PCDH7: variants seen among roughly 807,000 people sequenced by gnomAD.
PCDH7 encodes protocadherin 7.
PCDH7 carries 17 observed loss-of-function variants against 58.9 expected under a neutral mutation model. That is an observed-to-expected ratio of 0.29 (90% CI 0.20 to 0.43). The LOEUF is 0.43. PCDH7 is among the 20% of genes least tolerant of loss of function. The pLI is 1.00. For synonymous variants in PCDH7, 664 were observed against 616.4 expected, an observed-to-expected ratio of 1.08 and a Z score of -1.14; for missense variants, 1,274 against 1,441.0, an observed-to-expected ratio of 0.88 and a Z score of 1.88.
intron 2 of PCDH7, among the ~76,000 whole-genome samples, chr4:30,939,084 G>T (rs1745723473): frequency 6.6e-6 from 1 of 151,980 alleles, no homozygotes; most frequent in Non-Finnish European, 1.5e-5. Flanking sequence ...TCCATACAAG[G>T]GATATTGTTT....
Position 30,722,256 on chromosome 4 carries a change from G to A in PCDH7, c.834G>A (p.Leu278=). 1 of 1,596,048 alleles carries A rather than the reference G, an allele frequency of 6.3e-7. No homozygotes were observed. The highest frequency in any genetic ancestry group is 8.5e-7 in the Non-Finnish European group (1 of 1,172,494). ...AGCGCGACTCCTACGAGCTGACCCT[G>A]CGAGTGCGCGACGGCGGCGACCCGC... The change falls in exon 1 of 2, where the codon CTG becomes CTA. Residue 278 remains leucine, a synonymous_variant. Transcript: ENST00000361762. The surrounding 1 kb of genome is among the most constrained non-coding windows in gnomAD (Gnocchi z 7.6).
At chr4:30,904,711 T>C (rs1437432338) in intron 1 of PCDH7, among the ~76,000 whole-genome samples, 2 of 152,200 alleles carry the variant, frequency 1.3e-5, no homozygotes, top group East Asian at 1.9e-4. Context: ...TATTTTTCCT[T>C]ATGGTCACTG....
intron 1 of PCDH7, among the ~76,000 whole-genome samples, chr4:30,843,228 G>A (rs762904436): frequency 1.3e-5 from 2 of 152,028 alleles, no homozygotes; most frequent in Non-Finnish European, 2.9e-5. Context: ...TACAGGCAGA[G>A]TCTCACTCTG....
intron 3 of PCDH7, among the ~76,000 whole-genome samples, chr4:31,095,620 C>T (rs7679003): frequency 0.015 from 2,257 of 152,206 alleles, 46 homozygotes; most frequent in African/African-American, 0.051. Flanking sequence ...GAAGACTCCT[C>T]TCCTGGTGAA....
intron 3 of PCDH7, among the ~76,000 whole-genome samples, chr4:31,037,414 A>T (rs1055697517): frequency 6.6e-6 from 1 of 152,180 alleles, no homozygotes; most frequent in Non-Finnish European, 1.5e-5. Flanking sequence ...TTCAGCTTAG[A>T]TATCAGGAGC....
chr4:30,956,311 A>C (rs1029146889), intron 3 of PCDH7, among the ~76,000 whole-genome samples: 12 of 152,130 alleles, frequency 7.9e-5, no homozygotes, highest in Non-Finnish European at 1.5e-4. Context: ...ATAACTTTGT[A>C]CCTGGATTTG....
At chr4:30,855,439 C>T (rs1180470138) in intron 1 of PCDH7, among the ~76,000 whole-genome samples, 2 of 152,104 alleles carry the variant, frequency 1.3e-5, no homozygotes, top group Non-Finnish European at 2.9e-5. Context: ...AATAGCTGGC[C>T]AGTGGGCACT....
intron 2 of PCDH7, among the ~76,000 whole-genome samples, chr4:30,925,418 G>T (rs977648359): frequency 1.3e-5 from 2 of 152,130 alleles, no homozygotes; most frequent in Non-Finnish European, 2.9e-5. Flanking sequence ...CGTAGATTGA[G>T]CAAACTTCTC....
In PCDH7 at chr4:31,142,466, A is replaced by G. The variant is rs1231653044; in HGVS notation, c.*8-7A>G. 4 of 1,364,324 alleles carry G rather than the reference A, an allele frequency of 2.9e-6. 1 individual carries two copies. Among genetic ancestry groups the G allele is most frequent in the Non-Finnish European group, 2.0e-6 (2 of 1,020,260 alleles). 84.5% of individuals were successfully genotyped at this position (1,364,324 alleles called of 1,614,324 possible). ...AATACTAATGGCTTATTCTCCTTGG[A>G]TTTCAGATTCAAGGCCTCTTCCAGA... On this transcript the variant is annotated splice_polypyrimidine_tract_variant and splice_region_variant and intron_variant, in intron 3 of 3. Transcript: ENST00000509759.
chr4:30,906,763 C>T (rs1578242417), intron 1 of PCDH7, among the ~76,000 whole-genome samples: 1 of 152,280 alleles, frequency 6.6e-6, no homozygotes, highest in Middle Eastern at 3.4e-3. Context: ...TGACTCACAC[C>T]TGTAATCCCA....
chr4:31,073,281 T>C (rs1758702865), intron 3 of PCDH7, among the ~76,000 whole-genome samples: 1 of 152,190 alleles, frequency 6.6e-6, no homozygotes, highest in South Asian at 2.1e-4. Context: ...TTAGAACCAT[T>C]GATTTATAGC....
At chr4:30,787,550 A>C (rs1355378164) in intron 1 of PCDH7, among the ~76,000 whole-genome samples, 2 of 152,220 alleles carry the variant, frequency 1.3e-5, no homozygotes, top group Middle Eastern at 3.4e-3. Flanking sequence ...ATTTGGGGTT[A>C]ACTATGTAAG....
intron 3 of PCDH7, among the ~76,000 whole-genome samples, chr4:31,003,687 C>T (rs1453964677): frequency 6.6e-6 from 1 of 152,028 alleles, no homozygotes; most frequent in African/African-American, 2.4e-5. Context: ...GCGTGTGGAT[C>T]ACGAGGTCAG....
chr4:30,833,590 A>G (rs1047036164), intron 1 of PCDH7, among the ~76,000 whole-genome samples: 4 of 152,160 alleles, frequency 2.6e-5, no homozygotes, highest in African/African-American at 7.2e-5. Context: ...ACCACATAAC[A>G]TAGTATATTC....
intron 3 of PCDH7, among the ~76,000 whole-genome samples, chr4:31,054,972 T>A (rs1757032451): frequency 6.6e-6 from 1 of 152,192 alleles, no homozygotes; most frequent in South Asian, 2.1e-4. Flanking sequence ...GCTGTAATGA[T>A]CTTATATTGG....
intron 1 of PCDH7, among the ~76,000 whole-genome samples, chr4:30,883,068 T>G (rs1032731730): frequency 6.6e-6 from 1 of 152,224 alleles, no homozygotes; most frequent in Admixed American, 6.5e-5. Context: ...CTGTCAAGTG[T>G]GTGCACATGT....
intron 1 of PCDH7, among the ~76,000 whole-genome samples, chr4:30,886,950 A>G (rs1352659887): frequency 1.5e-5 from 2 of 131,586 alleles, no homozygotes; most frequent in Admixed American, 8.5e-5. Context: ...AGGAAGGGGA[A>G]CATCACACTC....
chr4:31,077,103 T>G (rs1346474995), intron 3 of PCDH7, among the ~76,000 whole-genome samples: 1 of 152,120 alleles, frequency 6.6e-6, no homozygotes, highest in Non-Finnish European at 1.5e-5. Flanking sequence ...ATAAATCTGA[T>G]GGTATTATGC....
intron 1 of PCDH7, among the ~76,000 whole-genome samples, chr4:30,915,248 G>A (rs1056567863): frequency 3.3e-5 from 5 of 152,030 alleles, no homozygotes; most frequent in Non-Finnish European, 5.9e-5. Context: ...ATACTTTTAA[G>A]GGTAGTAGTA....
Sources: allele counts gnomAD v4.1 joint callset (sites outside exome capture counted in the v4.1 genomes callset), GRCh38; gene constraint gnomAD v4.1.1; non-coding constraint Gnocchi (gnomAD v3.1); transcripts MANE v1.5; gene names NCBI Gene and HGNC (gene_info 2026-07-23, HGNC 2026-07-21).